The following PAIP2B variants were observed in gnomAD, a reference collection of about 807,000 sequenced individuals.
PAIP2B encodes the protein polyadenylate-binding protein-interacting protein 2B.
A neutral mutation model predicts 17.0 loss-of-function variants in PAIP2B; 13 were observed. That is an observed-to-expected ratio of 0.76 (90% CI 0.50 to 1.22). PAIP2B has a LOEUF of 1.22. Ranked by LOEUF, PAIP2B falls within the 50% of genes most tolerant of loss-of-function variation. PAIP2B has a pLI of 0.00. For synonymous variants in PAIP2B, 43 were observed against 48.7 expected, an observed-to-expected ratio of 0.88 and a Z score of 0.48; for missense variants, 117 against 144.5, an observed-to-expected ratio of 0.81 and a Z score of 0.98.
intron 1 of PAIP2B, among the ~76,000 whole-genome samples, chr2:71,226,471 G>A (rs554560961): frequency 6.6e-6 from 1 of 152,194 alleles, no homozygotes; most frequent in Non-Finnish European, 1.5e-5. Context: ...CGCAGGGGCC[G>A]CGAATAGGGG....
chr2:71,188,299 C>A lies in PAIP2B; in HGVS notation c.*180G>T. On this transcript the variant is annotated 3_prime_UTR_variant, in exon 4 of 4. Transcript: ENST00000244221. ...GTCAGCAGAACAAAATAGAAATACT[C>A]AGAGGCTTAGAATAAGACTGAGCAT... The A allele has an allele frequency of 1.8e-6, 1 of 565,674 alleles. No individual in the cohort carries two copies. Among genetic ancestry groups the A allele is most frequent in the Non-Finnish European group, 3.1e-6 (1 of 319,760 alleles). 35.0% of individuals were successfully genotyped at this position (565,674 alleles called of 1,614,324 possible).
At chr2:71,223,280 G>C (rs1268452168) in intron 1 of PAIP2B, among the ~76,000 whole-genome samples, 4 of 152,102 alleles carry the variant, frequency 2.6e-5, no homozygotes, top group African/African-American at 9.7e-5. Context: ...GGGTGTGGTG[G>C]TGTGAGCCTA....
rs142353745 is a variant in PAIP2B at position 71,190,876 on chromosome 2, A to G, written c.139-855T>C. On this transcript the variant is annotated intron_variant, in intron 2 of 3. Coordinates refer to ENST00000244221, the MANE Select transcript of PAIP2B (RefSeq NM_020459.1). Reference sequence around the variant, plus strand: ...AAAATACTTTCAGAACATTAGGAAGACATAAAGAACACTTTTTGGCATACC... The same window carrying G: ...AAAATACTTTCAGAACATTAGGAAGGCATAAAGAACACTTTTTGGCATACC... 3.9e-3 allele frequency among the ~76,000 whole-genome samples: 592 copies of G among 152,370 alleles called. 2 individuals are homozygous for G. Among genetic ancestry groups the G allele is most frequent in the African/African-American group, 0.013 (559 of 41,586 alleles).
At chr2:71,197,727 G>C (rs192179607) in intron 2 of PAIP2B, among the ~76,000 whole-genome samples, 6 of 152,352 alleles carry the variant, frequency 3.9e-5, no homozygotes, top group African/African-American at 1.2e-4. Flanking sequence ...AAGGTAAAAG[G>C]TAAGGAGGAG....
In PAIP2B at chr2:71,203,633, T is replaced by G. The variant is rs143591919; in HGVS notation, c.-11-1033A>C. 1.5e-3 allele frequency among the ~76,000 whole-genome samples: 226 copies of G among 152,076 alleles called. 1 individual carries two copies. Among genetic ancestry groups the G allele is most frequent in the African/African-American group, 5.1e-3 (213 of 41,560 alleles). On this transcript the variant is annotated intron_variant, in intron 1 of 3. Coordinates refer to ENST00000244221, the MANE Select transcript of PAIP2B (RefSeq NM_020459.1). ...CCATTTATATTTCTTATTCTGTAAT[T>G]TTACTGCTAAAGTACTTTGCCCATT... is the stretch of plus-strand genomic sequence containing the variant.
chr2:71,201,487 T>A (rs1175647396), intron 2 of PAIP2B, among the ~76,000 whole-genome samples: 1 of 152,016 alleles, frequency 6.6e-6, no homozygotes, highest in African/African-American at 2.4e-5. Flanking sequence ...TTTAAGCAAT[T>A]CTTGTGCCTC....
chr2:71,224,409 G>C (rs915916920), intron 1 of PAIP2B, among the ~76,000 whole-genome samples: 1 of 152,092 alleles, frequency 6.6e-6, no homozygotes, highest in African/African-American at 2.4e-5. Context: ...CAACTTTATA[G>C]AATATAACTA....
intron 1 of PAIP2B, among the ~76,000 whole-genome samples, chr2:71,216,380 C>T (rs900887402): frequency 2.0e-5 from 3 of 152,174 alleles, no homozygotes; most frequent in Non-Finnish European, 2.9e-5. Context: ...GAGTTTCTCA[C>T]TAGATACTTG....
chr2:71,209,114 A>G (rs1215537897), intron 1 of PAIP2B, among the ~76,000 whole-genome samples: 1 of 152,192 alleles, frequency 6.6e-6, no homozygotes, highest in Admixed American at 6.5e-5. Flanking sequence ...AGGACCATGG[A>G]GTCTCTGATG....
chr2:71,206,176 C>G (rs1675123829), intron 1 of PAIP2B, among the ~76,000 whole-genome samples: 1 of 152,212 alleles, frequency 6.6e-6, no homozygotes, highest in African/African-American at 2.4e-5. Context: ...GCCACACAAA[C>G]CACTATGTCA....
Position 71,188,555 on chromosome 2 carries a change from A to G in PAIP2B, c.316-20T>C, listed in dbSNP as rs753294912. ...TTTGCTCTGAAATAAGAACCAAGAG[A>G]TAGTAAATCCTAAGGCAAGCTGCAT... On this transcript the variant is annotated intron_variant, in intron 3 of 3. Transcript: ENST00000244221. 9 of 1,592,272 alleles carry G rather than the reference A, an allele frequency of 5.7e-6. No individual in the cohort carries two copies. The highest frequency in any genetic ancestry group is 7.7e-6 in the Non-Finnish European group (9 of 1,166,922).
At chr2:71,192,237 C>T (rs2103756767) in intron 2 of PAIP2B, among the ~76,000 whole-genome samples, 1 of 148,944 alleles carries the variant, frequency 6.7e-6, no homozygotes, top group Admixed American at 6.8e-5. Context: ...TTGCATTTTG[C>T]TGTATTTTGC....
chr2:71,213,216 A>G (rs1675345062), intron 1 of PAIP2B, among the ~76,000 whole-genome samples: 1 of 152,214 alleles, frequency 6.6e-6, no homozygotes, highest in African/African-American at 2.4e-5. Context: ...AAATTCATAC[A>G]GTGAATCCCA....
chr2:71,222,059 C>T (rs750242747), intron 1 of PAIP2B, among the ~76,000 whole-genome samples: 106 of 152,304 alleles, frequency 7.0e-4, no homozygotes, highest in Admixed American at 1.8e-3. Flanking sequence ...TTTGTTCTTT[C>T]ACTCTTCACA....
At chr2:71,220,667 T>G (rs2103827378) in intron 1 of PAIP2B, among the ~76,000 whole-genome samples, 1 of 152,334 alleles carries the variant, frequency 6.6e-6, no homozygotes, top group African/African-American at 2.4e-5. Flanking sequence ...ATTTGTTTAT[T>G]TTTTCAAATA....
intron 1 of PAIP2B, among the ~76,000 whole-genome samples, chr2:71,223,900 G>A (rs1558785145): frequency 6.6e-6 from 1 of 152,198 alleles, no homozygotes; most frequent in East Asian, 1.9e-4. Context: ...ACAGACCCTA[G>A]CAGTCACTTA....
At position 71,191,194 on chromosome 2, in the gene PAIP2B, A is replaced by C. The variant is rs147906625; in HGVS notation, c.139-1173T>G. 4.6e-3 allele frequency among the ~76,000 whole-genome samples: 697 copies of C among 152,360 alleles called. 24 individuals carry two copies. Among genetic ancestry groups the C allele is most frequent in the Non-Finnish European group, 1.7e-3 (114 of 68,044 alleles). ...CCACCAGAAATGAGGTCAAGCAAAAAATAATTTCCCAAATTGGAATATACA... is the reference window on the plus strand; with the variant it reads ...CCACCAGAAATGAGGTCAAGCAAAACATAATTTCCCAAATTGGAATATACA... On this transcript the variant is annotated intron_variant, in intron 2 of 3. Coordinates refer to ENST00000244221, the MANE Select transcript of PAIP2B (RefSeq NM_020459.1).
chr2:71,199,996 T>C (rs934254745), intron 2 of PAIP2B, among the ~76,000 whole-genome samples: 9 of 152,152 alleles, frequency 5.9e-5, no homozygotes, highest in African/African-American at 2.2e-4. Flanking sequence ...GACTTAATCC[T>C]TTTTCCCCCA....
At chr2:71,201,273 C>T (rs1240637790) in intron 2 of PAIP2B, among the ~76,000 whole-genome samples, 2 of 152,138 alleles carry the variant, frequency 1.3e-5, no homozygotes, top group Non-Finnish European at 2.9e-5. Context: ...ACATATATTT[C>T]ATTCAGAGGC....
Sources: allele counts gnomAD v4.1 joint callset (sites outside exome capture counted in the v4.1 genomes callset), GRCh38; gene constraint gnomAD v4.1.1; transcripts MANE v1.5; gene names NCBI Gene and HGNC (gene_info 2026-07-23, HGNC 2026-07-21).